The following LHPP variants were observed in gnomAD, a reference collection of about 807,000 sequenced individuals.
The protein encoded by LHPP is hLHPP.
Under a neutral mutation model 30.3 loss-of-function variants are expected in LHPP, and 24 were observed. That is an observed-to-expected ratio of 0.79 (90% CI 0.57 to 1.11). The LOEUF is 1.11. Ranked by LOEUF, LHPP falls within the 50% of genes most tolerant of loss-of-function variation. LHPP has a pLI of 0.00. For synonymous variants in LHPP, 150 were observed against 157.1 expected (o/e 0.95, Z 0.34); for missense variants, 356 against 367.2 (o/e 0.97, Z 0.25).
intron 6 of LHPP, among the ~76,000 whole-genome samples, chr10:124,571,652 G>A (rs891707482): frequency 6.6e-6 from 1 of 151,924 alleles, no homozygotes; most frequent in African/African-American, 2.4e-5. Context: ...TCATTTATGA[G>A]ATCATGGACC....
intron 6 of LHPP, among the ~76,000 whole-genome samples, chr10:124,528,680 T>G (rs1477330892): frequency 2.6e-5 from 4 of 152,188 alleles, no homozygotes; most frequent in Non-Finnish European, 4.4e-5. Context: ...CTTTAAAATC[T>G]CTATGGTCCC....
intron 2 of LHPP, among the ~76,000 whole-genome samples, chr10:124,484,796 C>T (rs1953269166): frequency 6.6e-6 from 1 of 152,122 alleles, no homozygotes; most frequent in Non-Finnish European, 1.5e-5. Flanking sequence ...TGAAAACCAG[C>T]CCTGCTCTTT....
intron 1 of LHPP, among the ~76,000 whole-genome samples, chr10:124,467,999 C>G (rs970305629): frequency 1.3e-5 from 2 of 152,168 alleles, no homozygotes; most frequent in Non-Finnish European, 2.9e-5. Flanking sequence ...CATGAGCCAC[C>G]ATGCCCAGCC....
In LHPP at chr10:124,510,670, C is replaced by T. The variant is rs1240592999; in HGVS notation, c.625-6510C>T. On this transcript the variant is annotated intron_variant, in intron 5 of 6. Coordinates refer to ENST00000368842, the MANE Select transcript of LHPP (RefSeq NM_022126.4). This position sits in a 1 kb window ranked among gnomAD's most constrained non-coding sequence, Gnocchi z 4.0. Reference sequence around the variant, plus strand: ...GGAGCATGCACACAGTTTCATTTTCCCCGGAAGCATGGAGGTGTAGGATGA... The same window carrying T: ...GGAGCATGCACACAGTTTCATTTTCTCCGGAAGCATGGAGGTGTAGGATGA... Among the ~76,000 whole-genome samples, 1 of 152,216 alleles carries T rather than the reference C, an allele frequency of 6.6e-6. No homozygotes were observed.
chr10:124,473,880 G>A (rs766209273), intron 1 of LHPP, among the ~76,000 whole-genome samples: 49 of 152,188 alleles, frequency 3.2e-4, no homozygotes, highest in Non-Finnish European at 4.4e-4. Flanking sequence ...CCTGGGAGGC[G>A]GAGGTTGCAG....
intron 6 of LHPP, among the ~76,000 whole-genome samples, chr10:124,571,710 C>CGGA (rs1205254529): frequency 6.6e-6 from 1 of 152,228 alleles, no homozygotes; most frequent in Non-Finnish European, 1.5e-5. Context: ...CTTTTGCTCC[C>CGGA]TAACCGTGTT....
intron 3 of LHPP, chr10:124,489,741 C>T (rs1161395377): frequency 6.7e-5 from 11 of 164,786 alleles, no homozygotes; most frequent in East Asian, 5.5e-4. Flanking sequence ...CATGAGCCAC[C>T]GCCCCCAACC....
Position 124,476,674 on chromosome 10 carries a change from C to T in LHPP, c.126-7465C>T, listed in dbSNP as rs779114269. Among the ~76,000 whole-genome samples the T allele has an allele frequency of 2.3e-4, 35 of 152,198 alleles. No individual in the cohort carries two copies. The Middle Eastern group carries it at 9.5e-3, about 41-fold the overall frequency. ...GGGCTCATGCGCACATCAGTGTGGG[C>T]GTCCCCGGGGCATATGTGAATAACT... is the stretch of plus-strand genomic sequence containing the variant. On this transcript the variant is annotated intron_variant, in intron 1 of 6. Coordinates refer to ENST00000368842, the MANE Select transcript of LHPP (RefSeq NM_022126.4).
chr10:124,550,522 G>C (rs1219630381), intron 6 of LHPP, among the ~76,000 whole-genome samples: 1 of 152,338 alleles, frequency 6.6e-6, no homozygotes, highest in Non-Finnish European at 1.5e-5. Flanking sequence ...TGGAGGGTTC[G>C]TGCACCGGGT....
At chr10:124,531,623 T>G (rs1954905151) in intron 6 of LHPP, among the ~76,000 whole-genome samples, 1 of 152,228 alleles carries the variant, frequency 6.6e-6, no homozygotes, top group South Asian at 2.1e-4. Flanking sequence ...TTGTGTGGTG[T>G]TTTCTCATGA....
intron 6 of LHPP, among the ~76,000 whole-genome samples, chr10:124,548,238 GC>G (rs79907642): frequency 6.6e-6 from 1 of 151,988 alleles, no homozygotes; most frequent in Admixed American, 6.6e-5. Flanking sequence ...ATGAGTGGGG[GC>G]CCCATGCTGC....
rs150780921 is a variant in LHPP at position 124,492,554 on chromosome 10, A to G, written c.467+3979A>G. On this transcript the variant is annotated intron_variant, in intron 3 of 6. Coordinates refer to ENST00000368842, the MANE Select transcript of LHPP (RefSeq NM_022126.4). ...GCAACTGGTTGGATGTGGTCCACCC[A>G]CATTGCGGAAGGGAATGTACTCTCC... Among the ~76,000 whole-genome samples the G allele has an allele frequency of 2.7e-4, 41 of 152,338 alleles. No homozygotes were observed. The East Asian group carries it at 7.3e-3, about 27-fold the overall frequency.
chr10:124,608,732 C>G (rs939314890), intron 6 of LHPP, among the ~76,000 whole-genome samples: 1 of 152,250 alleles, frequency 6.6e-6, no homozygotes, highest in Non-Finnish European at 1.5e-5. Flanking sequence ...TTGCCGTGTC[C>G]TCGGCCAGGG....
At chr10:124,521,127 T>C (rs1304599148) in intron 6 of LHPP, among the ~76,000 whole-genome samples, 2 of 151,946 alleles carry the variant, frequency 1.3e-5, no homozygotes, top group Non-Finnish European at 2.9e-5. Context: ...GGGCGTGGGG[T>C]CCTGGATGAG....
intron 6 of LHPP, among the ~76,000 whole-genome samples, chr10:124,548,302 T>C (rs1326621640): frequency 6.6e-6 from 1 of 152,278 alleles, no homozygotes; most frequent in African/African-American, 2.4e-5. Context: ...GGCTCCCGCA[T>C]GAGCTGGGTG....
intron 6 of LHPP, among the ~76,000 whole-genome samples, chr10:124,600,649 G>C (rs1196435216): frequency 6.6e-6 from 1 of 152,222 alleles, no homozygotes; most frequent in East Asian, 1.9e-4. Flanking sequence ...TGGACTCTAG[G>C]GAGGACCAGG....
intron 6 of LHPP, chr10:124,526,075 C>T (rs1189269517): frequency 6.2e-6 from 4 of 649,422 alleles, no homozygotes; most frequent in Admixed American, 6.3e-5. Context: ...GCAGGTCCCT[C>T]GAGGGTCCTG....
chr10:124,601,296 A>G (rs1308686947), intron 6 of LHPP, among the ~76,000 whole-genome samples: 1 of 152,206 alleles, frequency 6.6e-6, no homozygotes, highest in Admixed American at 6.5e-5. Context: ...AGTGCTGCCC[A>G]TGGTTTGTCG....
chr10:124,505,700 G>A (rs1005112057), intron 5 of LHPP, among the ~76,000 whole-genome samples: 1 of 152,156 alleles, frequency 6.6e-6, no homozygotes, highest in Admixed American at 6.5e-5. Context: ...ATCAGTGGAT[G>A]GTTTTATAGC....
Sources: gnomAD v4.1 joint callset for allele counts (sites outside exome capture counted in the v4.1 genomes callset) on GRCh38, gnomAD v4.1.1 for gene constraint, Gnocchi (gnomAD v3.1) non-coding constraint, MANE v1.5 for transcripts, NCBI Gene and HGNC (gene_info 2026-07-23, HGNC 2026-07-21) for gene names.